Variants in OTC observed in about 807,000 individuals in gnomAD.
OTC encodes the protein ornithine transcarbamylase.
Under a neutral mutation model 30.3 loss-of-function variants are expected in OTC, and 3 were observed. That is an observed-to-expected ratio of 0.10 (90% CI 0.05 to 0.26). The LOEUF (loss-of-function observed/expected upper bound fraction) is 0.26, where lower values mean the gene tolerates loss of function less well. Ranked by LOEUF, OTC falls within the 10% of genes least tolerant of loss-of-function variation. The probability of loss-of-function intolerance (pLI) is 1.00; values close to 1 mark genes in which losing one functional copy is unlikely to be tolerated. For synonymous variants in OTC, 111 were observed against 99.7 expected (o/e 1.11, Z -0.67); for missense variants, 194 against 260.3 (o/e 0.75, Z 1.75).
intron 1 of OTC, among the ~76,000 whole-genome samples, chrX:38,362,168 A>G (rs2068275105): frequency 8.9e-6 from 1 of 111,789 alleles, no homozygotes; most frequent in Non-Finnish European, 1.9e-5. Flanking sequence ...ATGGATCTAA[A>G]CTTTCGATTA....
chrX:38,360,919 C>G (rs2068268214), intron 1 of OTC, among the ~76,000 whole-genome samples: 1 of 112,462 alleles, frequency 8.9e-6, no homozygotes, highest in Admixed American at 9.4e-5. Flanking sequence ...GTGCATCTGT[C>G]ATTCAGTTTG....
the OTC span, among the ~76,000 whole-genome samples, chrX:38,338,442 G>C: frequency 8.9e-6 from 1 of 112,148 alleles, no homozygotes; most frequent in Non-Finnish European, 1.9e-5. Context: ...TTCCCTGAGA[G>C]TCAGTTGCCT....
At chrX:38,340,449 TTG>T in the OTC span, among the ~76,000 whole-genome samples, 1 of 87,561 alleles carries the variant, frequency 1.1e-5, no homozygotes, top group Non-Finnish European at 2.3e-5. Context: ...GCTCCCTTCA[TTG>T]TTTTTTTGTT....
At chrX:38,331,757 A>T in the OTC span, among the ~76,000 whole-genome samples, 1 of 108,668 alleles carries the variant, frequency 9.2e-6, no homozygotes, top group African/African-American at 3.4e-5. Flanking sequence ...TAATTTTTGT[A>T]TTTTTGTAGA....
At chrX:38,365,863 C>T (rs2068293258) in intron 1 of OTC, among the ~76,000 whole-genome samples, 1 of 112,058 alleles carries the variant, frequency 8.9e-6, no homozygotes. Context: ...AAAGACCTAG[C>T]ATGGTATTGT....
chrX:38,361,001 C>T (rs1174516650), intron 1 of OTC, among the ~76,000 whole-genome samples: 1 of 111,865 alleles, frequency 8.9e-6, no homozygotes, highest in Non-Finnish European at 1.9e-5. Context: ...GGGCATTTTA[C>T]AAAAATGGAT....
intron 6 of OTC, among the ~76,000 whole-genome samples, chrX:38,407,185 G>A (rs906307531): frequency 2.7e-5 from 3 of 112,697 alleles, no homozygotes; most frequent in Non-Finnish European, 3.8e-5. Context: ...CCATTCATCT[G>A]TCTGGAGTTG....
chrX:38,359,544 C>T (rs960074965), intron 1 of OTC, among the ~76,000 whole-genome samples: 2 of 109,950 alleles, frequency 1.8e-5, no homozygotes, highest in Non-Finnish European at 3.8e-5. Context: ...CTCAGCCTCC[C>T]GAATAGCTGG....
At chrX:38,404,818 G>A (rs919067664) in intron 6 of OTC, among the ~76,000 whole-genome samples, 4 of 111,248 alleles carry the variant, frequency 3.6e-5, no homozygotes, top group Non-Finnish European at 7.5e-5. Flanking sequence ...GATTTCTGGG[G>A]ACATGGGGTT....
intron 8 of OTC, among the ~76,000 whole-genome samples, chrX:38,410,708 C>G (rs1416608291): frequency 8.9e-6 from 1 of 111,845 alleles, no homozygotes; most frequent in Non-Finnish European, 1.9e-5. Context: ...ATATAAATTG[C>G]TTCATACTTA....
At chrX:38,336,310 A>G in the OTC span, among the ~76,000 whole-genome samples, 1 of 109,620 alleles carries the variant, frequency 9.1e-6, no homozygotes, top group African/African-American at 3.3e-5. Flanking sequence ...TCCTTACAGA[A>G]AGGGGAGAAT....
the OTC span, among the ~76,000 whole-genome samples, chrX:38,347,257 G>A: frequency 8.9e-6 from 1 of 112,172 alleles, no homozygotes; most frequent in Non-Finnish European, 1.9e-5. Context: ...TTCACATAAT[G>A]AAGTGGCAAG....
At chrX:38,392,619 T>C (rs1447570485) in intron 4 of OTC, among the ~76,000 whole-genome samples, 2 of 112,367 alleles carry the variant, frequency 1.8e-5, no homozygotes, top group Non-Finnish European at 3.7e-5. Context: ...ACCAATGTCA[T>C]TCACAAAATA....
intron 9 of OTC, among the ~76,000 whole-genome samples, chrX:38,413,931 C>T (rs2068556857): frequency 9.1e-6 from 1 of 109,902 alleles, no homozygotes; most frequent in Non-Finnish European, 1.9e-5. Flanking sequence ...ACCTCAGCCT[C>T]GAAAAGCACT....
chrX:38,352,505 T>C (rs2068222903), upstream of OTC: 2 of 422,275 alleles, frequency 4.7e-6, no homozygotes, highest in South Asian at 3.4e-5. Context: ...TGGCATAAAG[T>C]TCAAATGCTC....
Position 38,352,686 on chromosome X carries a change from A to G in OTC, c.-11A>G, listed in dbSNP as rs1326409478. 1.7e-6 allele frequency: 2 copies of G among 1,184,181 alleles called. No individual in the cohort carries two copies. The highest frequency in any genetic ancestry group is 2.3e-6 in the Non-Finnish European group (2 of 871,651). On this transcript the variant is annotated 5_prime_UTR_variant, in exon 1 of 10. Transcript: ENST00000039007. Reference sequence around the variant, plus strand: ...AGGGCATAGAATCGTCCTTTACACAATTAAAAGAAGATGCTGTTTAATCTG... The same window carrying G: ...AGGGCATAGAATCGTCCTTTACACAGTTAAAAGAAGATGCTGTTTAATCTG...
At chrX:38,401,669 TTCTGTCAA>T (rs1376873828) in intron 5 of OTC, among the ~76,000 whole-genome samples, 1 of 111,798 alleles carries the variant, frequency 8.9e-6, no homozygotes, top group Non-Finnish European at 1.9e-5. Context: ...TCATCTTATG[TTCTGTCAA>T]TCCCTTTGAT....
intron 4 of OTC, among the ~76,000 whole-genome samples, chrX:38,383,828 A>C (rs1373650866): frequency 9.1e-6 from 1 of 110,495 alleles, no homozygotes; most frequent in Admixed American, 9.6e-5. Context: ...AAAAAAAAAA[A>C]AGAAAAGAAA....
At chrX:38,354,838 T>A (rs1268508705) in intron 1 of OTC, among the ~76,000 whole-genome samples, 1 of 112,105 alleles carries the variant, frequency 8.9e-6, no homozygotes, top group Admixed American at 9.5e-5. Flanking sequence ...TTGCACTACC[T>A]GTCAGCTAGA....
Sources: gnomAD v4.1 joint callset for allele counts (sites outside exome capture counted in the v4.1 genomes callset) on GRCh38, gnomAD v4.1.1 for gene constraint, MANE v1.5 for transcripts, NCBI Gene and HGNC (gene_info 2026-07-23, HGNC 2026-07-21) for gene names.